MTOR: variants seen among roughly 807,000 people sequenced by gnomAD.
MTOR encodes mechanistic target of rapamycin kinase.
In MTOR, 70 loss-of-function variants were observed where a neutral mutation model predicts 319.8. The ratio of observed to expected loss-of-function variants is 0.22; its 90% confidence interval spans 0.18 to 0.27. The LOEUF (loss-of-function observed/expected upper bound fraction) is 0.27. MTOR is among the 10% of genes least tolerant of loss of function. The pLI, the probability that MTOR is intolerant of heterozygous loss-of-function variation, is 1.00. For synonymous variants in MTOR, 1,183 were observed against 1,211.4 expected, an observed-to-expected ratio of 0.98 and a Z score of 0.49; for missense variants, 1,890 against 3,274.4, an observed-to-expected ratio of 0.58 and a Z score of 10.32.
At chr1:11,145,965 C>T (rs1414303111) in intron 32 of MTOR, among the ~76,000 whole-genome samples, 1 of 152,224 alleles carries the variant, frequency 6.6e-6, no homozygotes, top group Non-Finnish European at 1.5e-5. Context: ...ATCCTGTCCA[C>T]ATGAACGGGA....
At chr1:11,250,308 G>A (rs1012672427) in intron 6 of MTOR, among the ~76,000 whole-genome samples, 5 of 151,544 alleles carry the variant, frequency 3.3e-5, no homozygotes, top group Non-Finnish European at 5.9e-5. Flanking sequence ...GGGGCGGCTG[G>A]CCGGGCAGAG....
At chr1:11,216,992 T>C (rs2100809185) in intron 19 of MTOR, among the ~76,000 whole-genome samples, 1 of 152,346 alleles carries the variant, frequency 6.6e-6, no homozygotes, top group South Asian at 2.1e-4. Context: ...ACTGTAAATG[T>C]ACCTTTTGTT....
At chr1:11,231,531 G>T in intron 16 of MTOR, 97 bp from the exon 17 acceptor site, 1 of 1,439,490 alleles carries the variant, frequency 6.9e-7, no homozygotes, top group Non-Finnish European at 9.3e-7. Context: ...AGTGTTAGAG[G>T]CTGTAAGAAG....
intron 19 of MTOR, among the ~76,000 whole-genome samples, chr1:11,224,996 A>G (rs1018992930): frequency 6.6e-6 from 1 of 152,214 alleles, no homozygotes; most frequent in African/African-American, 2.4e-5. Flanking sequence ...ATGCCCAGAA[A>G]AAGTAAATCT....
chr1:11,167,180 C>T (rs1380450488), intron 29 of MTOR, among the ~76,000 whole-genome samples: 1 of 151,770 alleles, frequency 6.6e-6, no homozygotes, highest in African/African-American at 2.4e-5. Flanking sequence ...ACCAACATGG[C>T]ACATGTGTAC....
At chr1:11,193,518 G>A in intron 28 of MTOR, 1 of 1,474,294 alleles carries the variant, frequency 6.8e-7, no homozygotes. Context: ...TGGGAAGCCT[G>A]CCCTCTTGCT....
chr1:11,189,714 C>T, intron 28 of MTOR: 2 of 1,614,194 alleles, frequency 1.2e-6, no homozygotes, highest in Non-Finnish European at 1.7e-6. Context: ...CGGCCAACTG[C>T]TGTGAGGAGG....
chr1:11,155,187 A>C (rs1033221932), intron 30 of MTOR, among the ~76,000 whole-genome samples: 4 of 152,180 alleles, frequency 2.6e-5, no homozygotes, highest in Non-Finnish European at 1.5e-5. Context: ...AATAGACTAG[A>C]TTTATTGATA....
intron 34 of MTOR, chr1:11,144,293 T>A (rs536505591): frequency 4.8e-4 from 89 of 187,144 alleles, no homozygotes; most frequent in African/African-American, 2.0e-3. Context: ...AGCCTGGGCA[T>A]CAGGATTTTA....
At chr1:11,173,595 T>C (rs1240797985) in intron 28 of MTOR, among the ~76,000 whole-genome samples, 1 of 152,186 alleles carries the variant, frequency 6.6e-6, no homozygotes, top group Non-Finnish European at 1.5e-5. Context: ...ACCTACTCTC[T>C]TGATTGTTCA....
At chr1:11,204,480 A>T in intron 26 of MTOR, 81 bp downstream of exon 26, 1 of 1,470,350 alleles carries the variant, frequency 6.8e-7, no homozygotes, top group Non-Finnish European at 9.1e-7. Flanking sequence ...CAGCCCCTTG[A>T]TTATTACTTC....
chr1:11,189,981 G>GCGTGGAGTGCCTCCCCATCTA (rs1272814937), intron 28 of MTOR: 1 of 1,576,714 alleles, frequency 6.3e-7, no homozygotes, highest in Admixed American at 1.7e-5. Context: ...CCCTGAGGGA[G>GCGTGGAGTGCCTCCCCATCTA]CGTGGAGTGC....
At chr1:11,188,366 T>C (rs1645390328) in intron 28 of MTOR, among the ~76,000 whole-genome samples, 1 of 152,170 alleles carries the variant, frequency 6.6e-6, no homozygotes, top group Non-Finnish European at 1.5e-5. Context: ...GTTTTTTAGA[T>C]ACAAAGTCAT....
intron 6 of MTOR, among the ~76,000 whole-genome samples, chr1:11,250,787 C>A (rs1192813034): frequency 6.6e-6 from 1 of 152,226 alleles, no homozygotes; most frequent in African/African-American, 2.4e-5. Flanking sequence ...TCTTCTCCCG[C>A]AAGCCTGCTG....
intron 28 of MTOR, among the ~76,000 whole-genome samples, chr1:11,174,539 C>T (rs1050690625): frequency 6.6e-6 from 1 of 152,222 alleles, no homozygotes; most frequent in Non-Finnish European, 1.5e-5. Flanking sequence ...AAGTGCAGGA[C>T]AAGCAAGTCT....
chr1:11,193,606 C>A (rs201337209), intron 28 of MTOR: 62 of 1,603,800 alleles, frequency 3.9e-5, no homozygotes, highest in Non-Finnish European at 5.1e-5. Context: ...AGACTTCAGG[C>A]GGAGGCTGGA....
At chr1:11,156,521 C>T (rs1246364729) in intron 30 of MTOR, among the ~76,000 whole-genome samples, 1 of 152,038 alleles carries the variant, frequency 6.6e-6, no homozygotes, top group Non-Finnish European at 1.5e-5. Flanking sequence ...TCTCCTTTAC[C>T]TATCTCCTAA....
In MTOR at chr1:11,204,715, C is replaced by A. The variant is rs1571160520; in HGVS notation, c.3802-12G>T. ...GCAGCGCCCCAGGCCTGTGATCCCA[C>A]AGGTGACAATGGAAAACAATCAGTT... is the stretch of plus-strand genomic sequence containing the variant. On this transcript the variant is annotated splice_polypyrimidine_tract_variant and intron_variant, in intron 25 of 57. Transcript: ENST00000361445. 2 of 1,612,192 alleles carry A rather than the reference C, an allele frequency of 1.2e-6. No individual in the cohort carries two copies. The highest frequency in any genetic ancestry group is 4.5e-5 in the East Asian group (2 of 44,854).
chr1:11,157,710 G>A (rs897913188), intron 29 of MTOR, among the ~76,000 whole-genome samples: 1 of 152,162 alleles, frequency 6.6e-6, no homozygotes, highest in Non-Finnish European at 1.5e-5. Flanking sequence ...TGCTGACACT[G>A]GGCTACTTGA....
Sources: allele counts gnomAD v4.1 joint callset (sites outside exome capture counted in the v4.1 genomes callset), GRCh38; gene constraint gnomAD v4.1.1; transcripts MANE v1.5; gene names NCBI Gene and HGNC (gene_info 2026-07-23, HGNC 2026-07-21).